Variants in SLF1 observed in about 807,000 individuals in gnomAD.
SLF1 encodes SMC5/6 complex localization factor 1, also known as SMC5-SMC6 complex localization factor protein 1.
SLF1 carries 105 observed loss-of-function variants against 123.0 expected under a neutral mutation model. The observed-to-expected ratio is 0.85, with a 90% CI of 0.73 to 1.00. The LOEUF (loss-of-function observed/expected upper bound fraction) is 1.00, where lower values mean the gene tolerates loss of function less well. Ranked by LOEUF, SLF1 falls within the 50% of genes least tolerant of loss-of-function variation. The pLI is 0.00. For missense variants in SLF1, 1,239 were observed against 1,223.0 expected, an observed-to-expected ratio of 1.01 and a Z score of -0.20; for synonymous variants, 434 against 406.6, an observed-to-expected ratio of 1.07 and a Z score of -0.81.
intron 4 of SLF1, among the ~76,000 whole-genome samples, chr5:94,637,436 A>G (rs1451226114): frequency 3.3e-5 from 5 of 152,090 alleles, no homozygotes; most frequent in South Asian, 4.1e-4. Context: ...AGGCACTGCA[A>G]TTGTCTCCAG....
intron 15 of SLF1, among the ~76,000 whole-genome samples, chr5:94,682,818 G>A (rs887463077): frequency 2.6e-5 from 4 of 152,096 alleles, no homozygotes; most frequent in South Asian, 2.1e-4. Flanking sequence ...TCCTCATGTA[G>A]TGGCTTAAAC....
intron 5 of SLF1, among the ~76,000 whole-genome samples, chr5:94,648,450 A>G (rs1171216978): frequency 6.6e-6 from 1 of 152,168 alleles, no homozygotes; most frequent in Admixed American, 6.5e-5. Context: ...GTGATTCTTC[A>G]GTCTCTTTGG....
chr5:94,671,081 C>CT, intron 14 of SLF1, 73 bp downstream of exon 14: 1 of 1,070,550 alleles, frequency 9.3e-7, no homozygotes, highest in Non-Finnish European at 1.3e-6. Context: ...TTCCTCTCCT[C>CT]TTTATTCTTT....
At chr5:94,674,705 C>T (rs1750849967) in intron 14 of SLF1, among the ~76,000 whole-genome samples, 1 of 152,108 alleles carries the variant, frequency 6.6e-6, no homozygotes, top group South Asian at 2.1e-4. Flanking sequence ...TGTCAATCAG[C>T]AAGTATTGCA....
chr5:94,678,987 C>T, intron 15 of SLF1, 32 bp downstream of exon 15: 1 of 1,599,234 alleles, frequency 6.3e-7, no homozygotes, highest in Non-Finnish European at 8.5e-7. Context: ...TTTTTTCAGA[C>T]CCATTCTGGA....
intron 9 of SLF1, among the ~76,000 whole-genome samples, chr5:94,658,780 T>C (rs1434937852): frequency 6.6e-6 from 1 of 151,920 alleles, no homozygotes; most frequent in Non-Finnish European, 1.5e-5. Flanking sequence ...GAATATTTCA[T>C]TACTTTATGC....
chr5:94,635,750 T>C (rs1745698752), intron 4 of SLF1, among the ~76,000 whole-genome samples: 1 of 152,228 alleles, frequency 6.6e-6, no homozygotes, highest in African/African-American at 2.4e-5. Flanking sequence ...TATTTTCTAA[T>C]TTGTATCCCC....
chr5:94,636,337 A>G (rs1404503620), intron 4 of SLF1, among the ~76,000 whole-genome samples: 2 of 152,214 alleles, frequency 1.3e-5, no homozygotes, highest in Non-Finnish European at 2.9e-5. Flanking sequence ...CCCAGATTTC[A>G]GAAGTTTTCA....
At chr5:94,662,010 A>G (rs1485194721) in intron 9 of SLF1, among the ~76,000 whole-genome samples, 2 of 152,154 alleles carry the variant, frequency 1.3e-5, no homozygotes, top group East Asian at 1.9e-4. Flanking sequence ...CCCCATTTAT[A>G]TTTCTAATAA....
intron 5 of SLF1, among the ~76,000 whole-genome samples, chr5:94,649,015 T>C (rs950957689): frequency 6.6e-6 from 1 of 152,200 alleles, no homozygotes; most frequent in African/African-American, 2.4e-5. Context: ...GTAAGAGTAT[T>C]GTGTAACCTT....
chr5:94,680,017 T>TA (rs1160397120), intron 15 of SLF1, among the ~76,000 whole-genome samples: 1 of 152,198 alleles, frequency 6.6e-6, no homozygotes, highest in Non-Finnish European at 1.5e-5. Context: ...TTGTGGTTCT[T>TA]ACCTATAAAA....
At chr5:94,664,511 G>A (rs1275639514) in intron 11 of SLF1, among the ~76,000 whole-genome samples, 2 of 152,086 alleles carry the variant, frequency 1.3e-5, no homozygotes, top group Non-Finnish European at 2.9e-5. Flanking sequence ...CCCATGCTGG[G>A]AACATACCCA....
intron 1 of SLF1, among the ~76,000 whole-genome samples, chr5:94,623,361 A>G (rs1268475006): frequency 6.6e-6 from 1 of 152,172 alleles, no homozygotes; most frequent in Non-Finnish European, 1.5e-5. Context: ...TTAATTATAG[A>G]TAAGATTTTA....
chr5:94,640,842 A>T (rs752169543), intron 4 of SLF1, among the ~76,000 whole-genome samples: 7 of 152,256 alleles, frequency 4.6e-5, no homozygotes, highest in Middle Eastern at 6.8e-3. Flanking sequence ...CATTTCTTCA[A>T]GTATGTTGTC....
chr5:94,689,406 C>A, intron 17 of SLF1, 67 bp from the exon 18 acceptor site: 2 of 1,469,502 alleles, frequency 1.4e-6, no homozygotes, highest in South Asian at 1.4e-5. Context: ...TAAAAAATAC[C>A]ATCTAATGTA....
At chr5:94,664,699 A>G (rs1384032100) in intron 11 of SLF1, among the ~76,000 whole-genome samples, 1 of 152,230 alleles carries the variant, frequency 6.6e-6, no homozygotes, top group East Asian at 1.9e-4. Flanking sequence ...GTAACATTTG[A>G]GACCTCTTAA....
chr5:94,634,947 T>C (rs1021342669), intron 4 of SLF1, among the ~76,000 whole-genome samples: 3 of 152,188 alleles, frequency 2.0e-5, no homozygotes, highest in Non-Finnish European at 2.9e-5. Context: ...AACCCTTTTT[T>C]ACACATATGG....
At chr5:94,619,299 A>T (rs887936213) in intron 1 of SLF1, among the ~76,000 whole-genome samples, 6 of 148,962 alleles carry the variant, frequency 4.0e-5, no homozygotes, top group South Asian at 2.1e-4. Flanking sequence ...TTTTTTTTTT[A>T]AACTGCTAAA....
intron 4 of SLF1, among the ~76,000 whole-genome samples, chr5:94,640,388 T>C (rs1746311043): frequency 6.6e-6 from 1 of 152,186 alleles, no homozygotes; most frequent in Non-Finnish European, 1.5e-5. Context: ...CATTTTGTCT[T>C]CCCTGGTTTT....
Sources: gnomAD v4.1 joint callset for allele counts (sites outside exome capture counted in the v4.1 genomes callset) on GRCh38, gnomAD v4.1.1 for gene constraint, MANE v1.5 for transcripts, NCBI Gene and HGNC (gene_info 2026-07-23, HGNC 2026-07-21) for gene names.